Variants in ATG7 observed in about 807,000 individuals in gnomAD.
ATG7 encodes the protein ubiquitin-like modifier-activating enzyme ATG7.
A neutral mutation model predicts 82.4 loss-of-function variants in ATG7; 70 were observed. That is an observed-to-expected ratio of 0.85 (90% confidence interval 0.70 to 1.04). ATG7 has a LOEUF of 1.04. Ranked by LOEUF, ATG7 falls within the 50% of genes least tolerant of loss-of-function variation. The probability of loss-of-function intolerance (pLI) is 0.00; values close to 1 mark genes in which losing one functional copy is unlikely to be tolerated. For missense variants in ATG7, 792 were observed against 864.3 expected (o/e 0.92, Z 1.05); for synonymous variants, 287 against 313.0 (o/e 0.92, Z 0.88).
chr3:11,342,450 C>T (rs1953800837), intron 13 of ATG7, among the ~76,000 whole-genome samples, 171 bp downstream of exon 13: 2 of 151,948 alleles, frequency 1.3e-5, no homozygotes, highest in Admixed American at 1.3e-4. Context: ...AACCTTTTAT[C>T]ATCAGATAGA....
intron 20 of ATG7, chr3:11,488,533 G>A (rs941890262): frequency 3.1e-5 from 35 of 1,128,078 alleles, no homozygotes; most frequent in South Asian, 9.6e-5. Flanking sequence ...GCACTGCCCC[G>A]GGCCGCAGCG....
intron 20 of ATG7, among the ~76,000 whole-genome samples, chr3:11,493,916 G>A (rs2090604453): frequency 6.6e-6 from 1 of 152,124 alleles, no homozygotes; most frequent in South Asian, 2.1e-4. Flanking sequence ...AACTACTGAG[G>A]GGTATTGAGA....
chr3:11,282,680 T>C (rs1439333032), intron 3 of ATG7, among the ~76,000 whole-genome samples: 1 of 152,242 alleles, frequency 6.6e-6, no homozygotes, highest in East Asian at 1.9e-4. Flanking sequence ...CATCTTCCGG[T>C]AGAGCCTACT....
At chr3:11,451,845 C>CTT (rs1559652674) in intron 20 of ATG7, among the ~76,000 whole-genome samples, 14 of 149,848 alleles carry the variant, frequency 9.3e-5, no homozygotes, top group Middle Eastern at 3.5e-3. Context: ...CTATCTCTCT[C>CTT]TCTATATATA....
chr3:11,483,280 A>G (rs991873734), intron 20 of ATG7, among the ~76,000 whole-genome samples: 55 of 152,176 alleles, frequency 3.6e-4, no homozygotes, highest in Admixed American at 3.6e-3. Flanking sequence ...GAGAAGAGAA[A>G]CAGACACCAG....
intron 13 of ATG7, among the ~76,000 whole-genome samples, chr3:11,344,253 T>C (rs1954133773): frequency 6.6e-6 from 1 of 152,226 alleles, no homozygotes; most frequent in African/African-American, 2.4e-5. Context: ...CCTTGTCTTA[T>C]AAGATTGGCT....
intron 20 of ATG7, among the ~76,000 whole-genome samples, chr3:11,518,569 C>A (rs2092349133): frequency 6.6e-6 from 1 of 150,976 alleles, no homozygotes; most frequent in Admixed American, 6.6e-5. Flanking sequence ...AAAAAAAAAA[C>A]CTGAGACAAA....
intron 20 of ATG7, among the ~76,000 whole-genome samples, chr3:11,536,535 T>C (rs2070313396): frequency 6.6e-6 from 1 of 152,190 alleles, no homozygotes; most frequent in Admixed American, 6.5e-5. Flanking sequence ...CTGTTTCCCA[T>C]GCAAAACGCC....
At chr3:11,558,471 CAT>C, downstream of ATG7, 186 of 1,368,210 alleles carry the variant, frequency 1.4e-4, no homozygotes, top group Middle Eastern at 2.0e-4. Context: ...ACCCCACCCC[CAT>C]GATTTTTTTT....
At chr3:11,560,722 C>G (rs865969249), downstream of ATG7, among the ~76,000 whole-genome samples, 4 of 152,142 alleles carry the variant, frequency 2.6e-5, no homozygotes, top group Admixed American at 1.3e-4. Flanking sequence ...GCAGACCAAC[C>G]AAGAATTCAG....
chr3:11,309,223 C>G (rs972748874), intron 7 of ATG7, among the ~76,000 whole-genome samples, 162 bp downstream of exon 7: 5 of 152,166 alleles, frequency 3.3e-5, no homozygotes, highest in African/African-American at 1.2e-4. Flanking sequence ...CCAGATAGTG[C>G]TGGCACCTAT....
intron 9 of ATG7, among the ~76,000 whole-genome samples, chr3:11,318,205 A>G (rs557710841): frequency 9.2e-5 from 14 of 152,208 alleles, no homozygotes; most frequent in African/African-American, 3.1e-4. Context: ...CAGGCACACT[A>G]TCCTTCACTT....
chr3:11,334,471 T>C (rs1204937571), intron 11 of ATG7, among the ~76,000 whole-genome samples: 1 of 150,496 alleles, frequency 6.6e-6, no homozygotes, highest in Non-Finnish European at 1.5e-5. Flanking sequence ...CTTGAACTCC[T>C]GACCTCAAGT....
intron 18 of ATG7, among the ~76,000 whole-genome samples, chr3:11,371,527 T>G (rs2076996938): frequency 6.6e-6 from 1 of 150,642 alleles, no homozygotes; most frequent in African/African-American, 2.5e-5. Context: ...GGAATAGGAT[T>G]TGAGTCGTTT....
rs184003189 is a variant in ATG7 at position 11,463,709 on chromosome 3, C to G, written c.2079+36783C>G. On this transcript the variant is annotated intron_variant, in intron 20 of 20. Coordinates refer to ENST00000693202, the MANE Select transcript of ATG7 (RefSeq NM_001349232.2). ...TAGGAACAGGTTCTCTCCCTGCAGACTGGCGTCTTCTGCTAGACAGGAAGT... is the reference window on the plus strand; with the variant it reads ...TAGGAACAGGTTCTCTCCCTGCAGAGTGGCGTCTTCTGCTAGACAGGAAGT... Among the ~76,000 whole-genome samples the G allele has an allele frequency of 1.2e-4, 19 of 152,322 alleles. 1 individual carries two copies. In the East Asian group the frequency reaches 3.5e-3, roughly 28 times the overall value.
At chr3:11,295,590 C>T (rs1291140838) in intron 3 of ATG7, among the ~76,000 whole-genome samples, 1 of 152,082 alleles carries the variant, frequency 6.6e-6, no homozygotes, top group African/African-American at 2.4e-5. Context: ...AAGCCACCAC[C>T]GCACTCCTTT....
intron 1 of ATG7, among the ~76,000 whole-genome samples, chr3:11,279,077 C>T: frequency 6.6e-6 from 1 of 152,186 alleles, no homozygotes; most frequent in East Asian, 1.9e-4. Context: ...GTCCCCACTC[C>T]CTACCTCTAG....
intron 20 of ATG7, among the ~76,000 whole-genome samples, chr3:11,441,217 A>G (rs1340668880): frequency 4.6e-5 from 7 of 152,122 alleles, no homozygotes; most frequent in Non-Finnish European, 8.8e-5. Context: ...CTTTATTAAA[A>G]GGAAAGAAAG....
At chr3:11,505,699 G>A (rs2153068329) in intron 20 of ATG7, among the ~76,000 whole-genome samples, 1 of 152,314 alleles carries the variant, frequency 6.6e-6, no homozygotes, top group East Asian at 1.9e-4. Flanking sequence ...AAATTCAGGT[G>A]TCTGCAAGTC....
Sources: gnomAD v4.1 joint callset for allele counts (sites outside exome capture counted in the v4.1 genomes callset) on GRCh38, gnomAD v4.1.1 for gene constraint, MANE v1.5 for transcripts, NCBI Gene and HGNC (gene_info 2026-07-23, HGNC 2026-07-21) for gene names.